The following FAM13A variants were observed in gnomAD, a reference collection of about 807,000 sequenced individuals.
The protein encoded by FAM13A is family with sequence similarity 13 member A.
FAM13A carries 76 observed loss-of-function variants against 129.6 expected under a neutral mutation model. The ratio of observed to expected loss-of-function variants is 0.59; its 90% confidence interval spans 0.49 to 0.71. The LOEUF (loss-of-function observed/expected upper bound fraction) is 0.71, where lower values mean the gene tolerates loss of function less well. Ranked by LOEUF, FAM13A falls within the 30% of genes least tolerant of loss-of-function variation. The probability of loss-of-function intolerance (pLI) is 0.00; values close to 1 mark genes in which losing one functional copy is unlikely to be tolerated. For missense variants in FAM13A, 1,108 were observed against 1,249.3 expected (o/e 0.89, Z 1.70); for synonymous variants, 443 against 449.9 (o/e 0.98, Z 0.20).
rs190697410 is a variant in FAM13A, at chr4:88,832,385, A to C, written c.1007+18635T>G. Among the ~76,000 whole-genome samples, 211 of 152,338 alleles carry C rather than the reference A, an allele frequency of 1.4e-3. 1 individual carries two copies. Among genetic ancestry groups the C allele is most frequent in the African/African-American group, 4.8e-3 (199 of 41,588 alleles). On this transcript the variant is annotated intron_variant, in intron 7 of 23. Coordinates refer to ENST00000264344, the MANE Select transcript of FAM13A (RefSeq NM_014883.4). ...TTGCAACAAAAGCAAAAATTGACAA[A>C]TGGGATCTAATTAAACTAAAGAGCT...
rs748582424 is a variant in FAM13A at position 88,749,812 on chromosome 4, G to A, written c.2038C>T (p.Arg680Trp). The stretch of plus-strand genomic sequence containing the variant: ...TCTTCGAATCTATCTTCAAACTTCC[G>A]GATCTTCTTTTTAAGGCTCTGAATC... ...RRIQSLKKKI[R>W]KFEDRFEEEK... Residue 680 changes from arginine (R) to tryptophan (W), a missense_variant, in exon 16 of 24, where the codon CGG becomes TGG. Coordinates refer to ENST00000264344, the MANE Select transcript of FAM13A (RefSeq NM_014883.4). 183 of 1,613,998 alleles carry A rather than the reference G, an allele frequency of 1.1e-4. No individual in the cohort carries two copies. The highest frequency in any genetic ancestry group is 1.4e-4 in the Non-Finnish European group (168 of 1,180,002).
chr4:88,981,800 G>A (rs1761691498), intron 4 of FAM13A, among the ~76,000 whole-genome samples: 1 of 152,182 alleles, frequency 6.6e-6, no homozygotes, highest in Non-Finnish European at 1.5e-5. Context: ...AAGCTGCAAG[G>A]AGAAGCCATG....
chr4:88,855,341 T>C (rs866152179), intron 6 of FAM13A: 35 of 152,102 alleles, frequency 2.3e-4, no homozygotes, highest in African/African-American at 8.2e-4. Context: ...AGGACAAAAC[T>C]AGATGGAAGA....
intron 5 of FAM13A, among the ~76,000 whole-genome samples, chr4:88,921,970 G>T (rs1419655986): frequency 6.6e-6 from 1 of 151,942 alleles, no homozygotes; most frequent in African/African-American, 2.4e-5. Flanking sequence ...TTACATAATG[G>T]TAAAGGGATC....
At chr4:88,893,505 C>T (rs1409771157) in intron 6 of FAM13A, among the ~76,000 whole-genome samples, 1 of 152,108 alleles carries the variant, frequency 6.6e-6, no homozygotes, top group Non-Finnish European at 1.5e-5. Context: ...CGCCTGTAGT[C>T]CCAGCTACTC....
At chr4:88,973,900 C>A (rs1760514383) in intron 4 of FAM13A, among the ~76,000 whole-genome samples, 1 of 152,144 alleles carries the variant, frequency 6.6e-6, no homozygotes, top group Admixed American at 6.5e-5. Flanking sequence ...ATACATGGGA[C>A]AGGATGACTG....
chr4:89,055,417 T>A (rs961321390), intron 1 of FAM13A, among the ~76,000 whole-genome samples: 1 of 152,300 alleles, frequency 6.6e-6, no homozygotes, highest in South Asian at 2.1e-4. Context: ...GTGATTTTTA[T>A]GTCAACTTTA....
chr4:88,887,508 G>A (rs2150147721), intron 6 of FAM13A, among the ~76,000 whole-genome samples: 1 of 149,826 alleles, frequency 6.7e-6, no homozygotes, highest in East Asian at 2.0e-4. Context: ...TTATCATTTG[G>A]TTCACATATG....
intron 10 of FAM13A, among the ~76,000 whole-genome samples, chr4:88,786,536 A>G (rs756837114): frequency 6.6e-5 from 10 of 152,194 alleles, no homozygotes; most frequent in South Asian, 2.1e-4. Flanking sequence ...AAGAAATGTA[A>G]ATATCTCCTA....
intron 7 of FAM13A, among the ~76,000 whole-genome samples, chr4:88,843,462 G>A (rs1228005122): frequency 1.3e-5 from 2 of 152,236 alleles, no homozygotes; most frequent in Non-Finnish European, 2.9e-5. Context: ...AAGTAGCAGA[G>A]AGTGAAACAC....
intron 11 of FAM13A, among the ~76,000 whole-genome samples, chr4:88,772,208 G>A (rs538595212): frequency 6.6e-5 from 10 of 152,288 alleles, no homozygotes; most frequent in South Asian, 2.1e-4. Flanking sequence ...CTAACCTTGA[G>A]CTCTAAGAGG....
rs747972979 is a variant in FAM13A, at chr4:88,787,877, T to C, written c.1147A>G (p.Asn383Asp). The change falls in exon 10 of 24, where the codon AAC (asparagine) becomes GAC (aspartate). Residue 383 changes from asparagine to aspartate, a missense_variant. Transcript: ENST00000264344. Reference sequence around the variant, plus strand: ...TCCTCTGAACTTTGACCTCCAGAGTTATTAACATCAAAAAGATGTTGTTCT... The same window carrying C: ...TCCTCTGAACTTTGACCTCCAGAGTCATTAACATCAAAAAGATGTTGTTCT... ...AVEQHLFDVNNSGGQSSEDSE... is the reference protein window; with the variant it reads ...AVEQHLFDVNDSGGQSSEDSE... 2 of 1,613,512 alleles carry C rather than the reference T, an allele frequency of 1.2e-6. No individual in the cohort carries two copies. Among genetic ancestry groups the C allele is most frequent in the Non-Finnish European group, 1.7e-6 (2 of 1,179,662 alleles).
rs1387706345 is a variant in FAM13A at position 88,931,651 on chromosome 4, T to TA, written c.759+6436dup. Among the ~76,000 whole-genome samples the TA allele has an allele frequency of 2.0e-5, 3 of 152,236 alleles. No homozygotes were observed. The East Asian group carries it at 5.8e-4, about 29-fold the overall frequency. On this transcript the variant is annotated intron_variant, in intron 5 of 23. Coordinates refer to ENST00000264344, the MANE Select transcript of FAM13A (RefSeq NM_014883.4). ...TATTCAGCCATCTTGATCTCAACTC[T>TA]ATGATCTGTCATGCTATTTAATCAT...
At chr4:88,775,740 A>G (rs957550557) in intron 11 of FAM13A, among the ~76,000 whole-genome samples, 2 of 152,160 alleles carry the variant, frequency 1.3e-5, no homozygotes, top group African/African-American at 2.4e-5. Flanking sequence ...TAACAAGTAC[A>G]GACTGTTCAA....
At chr4:89,012,371 G>A (rs1765848039) in intron 3 of FAM13A, among the ~76,000 whole-genome samples, 1 of 152,170 alleles carries the variant, frequency 6.6e-6, no homozygotes, top group South Asian at 2.1e-4. Flanking sequence ...CAATAGGAAA[G>A]GATGATCACT....
At chr4:88,857,486 A>G (rs893341910) in intron 6 of FAM13A, among the ~76,000 whole-genome samples, 1 of 151,982 alleles carries the variant, frequency 6.6e-6, no homozygotes, top group Non-Finnish European at 1.5e-5. Context: ...AAAATTAGCC[A>G]GGCATGGTGG....
At chr4:88,778,517 TC>T (rs1227454967) in intron 11 of FAM13A, among the ~76,000 whole-genome samples, 1 of 152,224 alleles carries the variant, frequency 6.6e-6, no homozygotes, top group East Asian at 1.9e-4. Flanking sequence ...AACAGTGCTC[TC>T]TAGATCAGTG....
chr4:88,925,707 AAAAT>A (rs1482396913), intron 5 of FAM13A, among the ~76,000 whole-genome samples: 1 of 150,936 alleles, frequency 6.6e-6, no homozygotes, highest in Non-Finnish European at 1.5e-5. Context: ...AATAAAATAA[AAAAT>A]AAATAAAAAT....
At chr4:88,757,050 T>A (rs577700732) in intron 14 of FAM13A, among the ~76,000 whole-genome samples, 30 of 151,024 alleles carry the variant, frequency 2.0e-4, no homozygotes, top group Admixed American at 5.9e-4. Context: ...AATAACTTTT[T>A]AAAAAAAAAA....
Sources: allele counts gnomAD v4.1 joint callset (sites outside exome capture counted in the v4.1 genomes callset), GRCh38; gene constraint gnomAD v4.1.1; transcripts MANE v1.5; gene names NCBI Gene and HGNC (gene_info 2026-07-23, HGNC 2026-07-21).